Variants in HS3ST4 observed in about 807,000 individuals in gnomAD.
HS3ST4 encodes the protein heparan sulfate-glucosamine 3-sulfotransferase 4.
HS3ST4 carries 17 observed loss-of-function variants against 29.2 expected under a neutral mutation model. The ratio of observed to expected loss-of-function variants is 0.58; its 90% CI spans 0.40 to 0.87. HS3ST4 has a LOEUF of 0.87. Among genes scored for constraint, HS3ST4 ranks in the 40% least tolerant of loss-of-function variants. The probability of loss-of-function intolerance (pLI) is 0.00; values close to 1 mark genes in which losing one functional copy is unlikely to be tolerated. For synonymous variants in HS3ST4, 314 were observed against 285.7 expected (o/e 1.10, Z -1.00); for missense variants, 627 against 634.5 (o/e 0.99, Z 0.13).
At chr16:25,888,964 G>A (rs766170542) in intron 1 of HS3ST4, among the ~76,000 whole-genome samples, 27 of 152,118 alleles carry the variant, frequency 1.8e-4, no homozygotes, top group Non-Finnish European at 2.4e-4. Context: ...CAGACCTACC[G>A]CTTCCTTTCA....
intron 1 of HS3ST4, among the ~76,000 whole-genome samples, chr16:26,096,096 A>G (rs1898922445): frequency 6.6e-6 from 1 of 152,172 alleles, no homozygotes; most frequent in South Asian, 2.1e-4. Context: ...AATTGAGGCA[A>G]TAATTAATAG....
intron 1 of HS3ST4, among the ~76,000 whole-genome samples, chr16:25,780,167 G>A (rs550604832): frequency 4.6e-5 from 7 of 152,304 alleles, no homozygotes; most frequent in South Asian, 4.1e-4. Flanking sequence ...AGGATGCACC[G>A]TGTTCAATCC....
chr16:25,739,129 G>A (rs528943164), intron 1 of HS3ST4, among the ~76,000 whole-genome samples: 3 of 152,226 alleles, frequency 2.0e-5, no homozygotes, highest in South Asian at 4.1e-4. Flanking sequence ...ATCATCTGAG[G>A]TCAGGAGTTC....
At chr16:26,069,292 G>T (rs954639345) in intron 1 of HS3ST4, among the ~76,000 whole-genome samples, 1 of 152,174 alleles carries the variant, frequency 6.6e-6, no homozygotes, top group Non-Finnish European at 1.5e-5. Context: ...CTTCCAACAA[G>T]AAATGGTATC....
intron 1 of HS3ST4, among the ~76,000 whole-genome samples, chr16:26,133,241 T>A (rs1279477940): frequency 6.6e-6 from 1 of 152,202 alleles, no homozygotes; most frequent in Non-Finnish European, 1.5e-5. Context: ...TGATCCCAAG[T>A]GATTTACCTG....
At chr16:25,918,513 T>C (rs1968314710) in intron 1 of HS3ST4, among the ~76,000 whole-genome samples, 1 of 152,154 alleles carries the variant, frequency 6.6e-6, no homozygotes, top group Non-Finnish European at 1.5e-5. Context: ...CAAAGGAGCA[T>C]GTAGCATGAG....
At chr16:25,704,706 C>T (rs1174935595) in intron 1 of HS3ST4, among the ~76,000 whole-genome samples, 6 of 151,984 alleles carry the variant, frequency 3.9e-5, no homozygotes, top group South Asian at 4.2e-4. Flanking sequence ...GGTGAAACCC[C>T]GTCTCTACTA....
Position 25,761,853 on chromosome 16 carries a change from C to T in HS3ST4, c.734+68702C>T, listed in dbSNP as rs117704739. Among the ~76,000 whole-genome samples the T allele has an allele frequency of 1.7e-3, 259 of 152,260 alleles. 3 individuals are homozygous for T. The highest frequency in any genetic ancestry group is 7.3e-3 in the South Asian group (35 of 4,818). ...ATATGTACTAATGTAATCCTCATGG[C>T]GATCCTCTGAGGTAGATATTACCTT... On this transcript the variant is annotated intron_variant, in intron 1 of 1. Transcript: ENST00000331351.
At chr16:25,973,358 G>A (rs998325664) in intron 1 of HS3ST4, among the ~76,000 whole-genome samples, 2 of 152,136 alleles carry the variant, frequency 1.3e-5, no homozygotes, top group African/African-American at 4.8e-5. Context: ...AGAAGAAAGG[G>A]GACAAGATGG....
intron 1 of HS3ST4, among the ~76,000 whole-genome samples, chr16:25,833,512 A>C (rs140644720): frequency 1.1e-4 from 17 of 152,328 alleles, no homozygotes; most frequent in African/African-American, 3.6e-4. Flanking sequence ...TTAGAACAGT[A>C]CCTGATATAT....
At chr16:26,062,817 C>G (rs185621408) in intron 1 of HS3ST4, 3 of 287,330 alleles carry the variant, frequency 1.0e-5, no homozygotes, top group Admixed American at 7.3e-5. Context: ...CCTAGCACCA[C>G]TTTGGTGCCT....
chr16:26,028,292 A>AAAAG (rs1567297005), intron 1 of HS3ST4, among the ~76,000 whole-genome samples: 2 of 151,432 alleles, frequency 1.3e-5, no homozygotes, highest in Non-Finnish European at 1.5e-5. Flanking sequence ...AAAAAAAAAA[A>AAAAG]AAAGAATAAG....
At position 26,053,875 on chromosome 16, in the gene HS3ST4, T is replaced by G. The variant is rs910862993; in HGVS notation, c.735-81737T>G. On this transcript the variant is annotated intron_variant, in intron 1 of 1. Coordinates refer to ENST00000331351, the MANE Select transcript of HS3ST4 (RefSeq NM_006040.3). The stretch of plus-strand genomic sequence containing the variant: ...ACCACAAAATCTCCATAATTTTAAA[T>G]AATTTCTCACTCATAAAACATGCCT... Among the ~76,000 whole-genome samples the G allele has an allele frequency of 3.9e-5, 6 of 152,164 alleles. No homozygotes were observed. In the East Asian group the frequency reaches 1.2e-3, roughly 29 times the overall value.
intron 1 of HS3ST4, among the ~76,000 whole-genome samples, chr16:25,753,163 A>G (rs376830809): frequency 7.8e-4 from 119 of 152,320 alleles, no homozygotes; most frequent in Non-Finnish European, 1.5e-3. Context: ...TCTGATGAGA[A>G]TGGCACTAGG....
At chr16:25,962,791 G>A (rs967278532) in intron 1 of HS3ST4, among the ~76,000 whole-genome samples, 8 of 152,274 alleles carry the variant, frequency 5.3e-5, no homozygotes, top group African/African-American at 1.7e-4. Context: ...ACCAAGGCAG[G>A]CTGGGAGATG....
chr16:25,997,045 G>A (rs1025282906), intron 1 of HS3ST4, among the ~76,000 whole-genome samples: 2 of 152,110 alleles, frequency 1.3e-5, no homozygotes, highest in Admixed American at 1.3e-4. Context: ...GTGAGTGCTT[G>A]ATTTAAAAAA....
chr16:25,892,273 G>A (rs1487067774), intron 1 of HS3ST4, among the ~76,000 whole-genome samples: 2 of 152,184 alleles, frequency 1.3e-5, no homozygotes, highest in Non-Finnish European at 1.5e-5. Context: ...AGCTGAAGTG[G>A]CCCCTGCAGG....
chr16:25,845,748 T>A (rs1237206569), intron 1 of HS3ST4, among the ~76,000 whole-genome samples: 2 of 151,902 alleles, frequency 1.3e-5, no homozygotes, highest in Non-Finnish European at 2.9e-5. Flanking sequence ...TTTGTCTTTC[T>A]CATTCTCTCT....
intron 1 of HS3ST4, among the ~76,000 whole-genome samples, chr16:25,829,980 C>A (rs1166515342): frequency 6.6e-6 from 1 of 152,040 alleles, no homozygotes; most frequent in Non-Finnish European, 1.5e-5. Flanking sequence ...CACACCACCA[C>A]GCCTGGCTAA....
Sources: allele counts gnomAD v4.1 joint callset (sites outside exome capture counted in the v4.1 genomes callset), GRCh38; gene constraint gnomAD v4.1.1; transcripts MANE v1.5; gene names NCBI Gene and HGNC (gene_info 2026-07-23, HGNC 2026-07-21).